Variants in SSUH2 observed in about 807,000 individuals in gnomAD.
SSUH2 encodes the protein ssu-2 homolog.
A neutral mutation model predicts 55.3 loss-of-function variants in SSUH2; 47 were observed. The observed-to-expected ratio is 0.85, with a 90% CI of 0.67 to 1.08. SSUH2 has a LOEUF of 1.08. Ranked by LOEUF, SSUH2 falls within the 50% of genes least tolerant of loss-of-function variation. SSUH2 has a pLI of 0.00. For missense variants in SSUH2, 535 were observed against 490.7 expected (o/e 1.09, Z -0.85); for synonymous variants, 212 against 191.5 (o/e 1.11, Z -0.89).
upstream of SSUH2, among the ~76,000 whole-genome samples, chr3:8,648,068 A>G (rs1477049444): frequency 2.0e-5 from 3 of 152,202 alleles, no homozygotes; most frequent in Admixed American, 2.0e-4. Context: ...GAAAACAGGG[A>G]CTGAGATCTT....
intron 1 of SSUH2, among the ~76,000 whole-genome samples, chr3:8,643,946 C>T (rs1349590284): frequency 6.6e-6 from 1 of 152,160 alleles, no homozygotes; most frequent in Non-Finnish European, 1.5e-5. Flanking sequence ...AGGACTTGAA[C>T]CCTGGCCTCC....
At chr3:8,661,260 C>T (rs190524392) in intron 6 of SSUH2, among the ~76,000 whole-genome samples, 42 of 152,334 alleles carry the variant, frequency 2.8e-4, no homozygotes, top group Non-Finnish European at 5.3e-4. Flanking sequence ...CTCCGTTGCC[C>T]AGCTTCCTAA....
chr3:8,665,159 G>A (rs1703877297), intron 5 of SSUH2, among the ~76,000 whole-genome samples: 1 of 151,984 alleles, frequency 6.6e-6, no homozygotes, highest in African/African-American at 2.4e-5. Context: ...ATTTTGGGAT[G>A]GGTATATTTC....
chr3:8,642,002 G>A, intron 1 of SSUH2, among the ~76,000 whole-genome samples: 1 of 152,152 alleles, frequency 6.6e-6, no homozygotes, highest in Non-Finnish European at 1.5e-5. Flanking sequence ...TCTCAATCCT[G>A]CCCCTGTGGA....
rs188452199 is a variant in SSUH2, at chr3:8,651,302, G to C, written c.-307+7623C>G. 8.9e-4 allele frequency among the ~76,000 whole-genome samples: 136 copies of C among 152,306 alleles called. 1 individual carries two copies. Among genetic ancestry groups the C allele is most frequent in the Non-Finnish European group, 1.7e-3 (113 of 68,024 alleles). ...GCATCTCTCGGCTATCTCAGCAAGC[G>C]GGGAGGCAAGTGAGGGAAGCCATCA... is the stretch of plus-strand genomic sequence containing the variant. On this transcript the variant is annotated intron_variant, in intron 7 of 18. Transcript: ENST00000317371.
At chr3:8,649,719 C>T (rs1489579757), upstream of SSUH2, among the ~76,000 whole-genome samples, 3 of 152,088 alleles carry the variant, frequency 2.0e-5, no homozygotes, top group Non-Finnish European at 1.5e-5. Flanking sequence ...GAGCCCCCTG[C>T]CCCCCTCACC....
chr3:8,639,400 G>A (rs1306265229), intron 1 of SSUH2, among the ~76,000 whole-genome samples: 2 of 152,124 alleles, frequency 1.3e-5, no homozygotes, highest in African/African-American at 2.4e-5. Flanking sequence ...TGTGGTTTGG[G>A]GCAACTTTGC....
At chr3:8,624,186 T>A (rs1352238426) in intron 10 of SSUH2, among the ~76,000 whole-genome samples, 1 of 152,076 alleles carries the variant, frequency 6.6e-6, no homozygotes, top group Non-Finnish European at 1.5e-5. Context: ...GCCTTCCACA[T>A]ATTAAGGGCA....
At chr3:8,635,899 G>A (rs1304224913) in intron 1 of SSUH2, 42 bp from the exon 2 acceptor site, 30 of 1,465,186 alleles carry the variant, frequency 2.0e-5, no homozygotes, top group Non-Finnish European at 2.5e-5. Context: ...GTAGGGAGGC[G>A]AGGGCTGATG....
In SSUH2 at chr3:8,635,398, T is replaced by A; in HGVS notation, c.128-17A>T. The A allele has an allele frequency of 1.3e-6, 2 of 1,529,062 alleles. No individual in the cohort carries two copies. The highest frequency in any genetic ancestry group is 1.8e-6 in the Non-Finnish European group (2 of 1,140,918). 94.7% of individuals were successfully genotyped at this position (1,529,062 alleles called of 1,614,324 possible). ...TCTGTCCTCCTGGAGAAGGGAAGAG[T>A]CAGGGGCTGGACAGCCCAGGCCAAA... On this transcript the variant is annotated splice_polypyrimidine_tract_variant and intron_variant, in intron 2 of 11. Transcript: ENST00000544814.
At chr3:8,656,497 T>A (rs1341465149) in intron 7 of SSUH2, among the ~76,000 whole-genome samples, 1 of 152,208 alleles carries the variant, frequency 6.6e-6, no homozygotes, top group Non-Finnish European at 1.5e-5. Flanking sequence ...AGGCAGTCAC[T>A]GACTGTGACC....
intron 7 of SSUH2, among the ~76,000 whole-genome samples, chr3:8,649,980 C>T (rs1702207413): frequency 1.3e-5 from 2 of 152,174 alleles, no homozygotes; most frequent in Non-Finnish European, 2.9e-5. Context: ...TCAACCCTTT[C>T]CTCCAGCCCC....
intron 1 of SSUH2, among the ~76,000 whole-genome samples, chr3:8,641,064 G>A (rs992084610): frequency 2.6e-5 from 4 of 152,214 alleles, no homozygotes; most frequent in South Asian, 2.1e-4. Context: ...CCCCAGCCCT[G>A]GCTGGGGCTG....
At chr3:8,628,844 T>C (rs1698136278) in intron 7 of SSUH2, among the ~76,000 whole-genome samples, 1 of 152,072 alleles carries the variant, frequency 6.6e-6, no homozygotes, top group Non-Finnish European at 1.5e-5. Context: ...GGTGTCTGGT[T>C]TGTTGCTGTT....
chr3:8,641,458 C>T (rs975373561), intron 1 of SSUH2, among the ~76,000 whole-genome samples: 1 of 152,112 alleles, frequency 6.6e-6, no homozygotes, highest in Admixed American at 6.5e-5. Flanking sequence ...GCAAATGAGA[C>T]AATGGATGAG....
intron 3 of SSUH2, chr3:8,634,666 TC>T: frequency 9.2e-7 from 1 of 1,088,048 alleles, no homozygotes; most frequent in Non-Finnish European, 1.2e-6. Context: ...AAAGTGGGTG[TC>T]CATGGAGGAG....
intron 6 of SSUH2, chr3:8,659,792 C>T (rs1288586317): frequency 2.2e-6 from 1 of 456,414 alleles, no homozygotes. Context: ...TATGGAGATT[C>T]ATCAGATACC....
intron 4 of SSUH2, among the ~76,000 whole-genome samples, chr3:8,633,300 C>T (rs535351792): frequency 5.9e-5 from 9 of 152,166 alleles, no homozygotes; most frequent in African/African-American, 1.7e-4. Context: ...CCCACCACCA[C>T]GCCCGGCTAA....
At chr3:8,653,532 G>A (rs1428844729) in intron 7 of SSUH2, among the ~76,000 whole-genome samples, 2 of 152,170 alleles carry the variant, frequency 1.3e-5, no homozygotes, top group African/African-American at 4.8e-5. Context: ...TGTGTCAACA[G>A]CATACACAGT....
Sources: gnomAD v4.1 joint callset for allele counts (sites outside exome capture counted in the v4.1 genomes callset) on GRCh38, gnomAD v4.1.1 for gene constraint, MANE v1.5 for transcripts, NCBI Gene and HGNC (gene_info 2026-07-23, HGNC 2026-07-21) for gene names.